Variants in STARD3NL observed in about 807,000 individuals in gnomAD.
STARD3NL encodes STARD3 N-terminal-like protein.
Under a neutral mutation model 30.9 loss-of-function variants are expected in STARD3NL, and 17 were observed. The observed-to-expected ratio is 0.55, with a 90% CI of 0.38 to 0.82. The LOEUF is 0.82. STARD3NL is among the 40% of genes least tolerant of loss of function. The probability of loss-of-function intolerance (pLI) is 0.00; values close to 1 mark genes in which losing one functional copy is unlikely to be tolerated. For synonymous variants in STARD3NL, 112 were observed against 100.5 expected, an observed-to-expected ratio of 1.11 and a Z score of -0.69; for missense variants, 234 against 277.6, an observed-to-expected ratio of 0.84 and a Z score of 1.12.
At chr7:38,229,530 A>G (rs1395285041) in intron 8 of STARD3NL, among the ~76,000 whole-genome samples, 4 of 152,244 alleles carry the variant, frequency 2.6e-5, no homozygotes, top group African/African-American at 9.6e-5. Flanking sequence ...TTGTAGTAGC[A>G]GCAAATCTGC....
rs765662823 is a variant in STARD3NL at position 38,214,448 on chromosome 7, A to G, written c.303+14A>G. The G allele has an allele frequency of 1.3e-6, 2 of 1,535,442 alleles. No homozygotes were observed. The highest frequency in any genetic ancestry group is 2.3e-5 in the East Asian group (1 of 44,030). Reference sequence around the variant, plus strand: ...TTTGATATATTTGTAAGTATTTTTTATGTTTCATTTCAGATGTGATAAAAC... The same window carrying G: ...TTTGATATATTTGTAAGTATTTTTTGTGTTTCATTTCAGATGTGATAAAAC... On this transcript the variant is annotated intron_variant, in intron 3 of 8. Transcript: ENST00000009041.
At chr7:38,184,132 T>C (rs1320510537) in intron 1 of STARD3NL, among the ~76,000 whole-genome samples, 1 of 152,164 alleles carries the variant, frequency 6.6e-6, no homozygotes, top group Non-Finnish European at 1.5e-5. Context: ...TAAAGGTATA[T>C]GGGATATATA....
intron 1 of STARD3NL, among the ~76,000 whole-genome samples, chr7:38,193,389 C>A (rs1160007445): frequency 6.6e-6 from 1 of 152,030 alleles, no homozygotes; most frequent in Non-Finnish European, 1.5e-5. Flanking sequence ...ATCTCTGCCT[C>A]CTGGGTTCAC....
At chr7:38,181,466 C>A (rs1039697183) in intron 1 of STARD3NL, among the ~76,000 whole-genome samples, 1 of 151,892 alleles carries the variant, frequency 6.6e-6, no homozygotes, top group Non-Finnish European at 1.5e-5. Context: ...TTTAAAAATG[C>A]CCATTATTTA....
chr7:38,220,375 A>T lies in STARD3NL; in HGVS notation c.649+715A>T, dbSNP rs575039009. 3.2e-4 allele frequency among the ~76,000 whole-genome samples: 48 copies of T among 152,356 alleles called. No individual in the cohort carries two copies. The South Asian group carries it at 9.5e-3, about 30-fold the overall frequency. On this transcript the variant is annotated intron_variant, in intron 7 of 8. Coordinates refer to ENST00000009041, the MANE Select transcript of STARD3NL (RefSeq NM_032016.4). ...CAAATGGCCAATAAGCACATAAAAGATGCTTAACATCACTAATCATTAGGA... is the reference window on the plus strand; with the variant it reads ...CAAATGGCCAATAAGCACATAAAAGTTGCTTAACATCACTAATCATTAGGA...
intron 7 of STARD3NL, among the ~76,000 whole-genome samples, chr7:38,221,034 A>G (rs1192497822): frequency 1.3e-5 from 2 of 152,248 alleles, no homozygotes; most frequent in Non-Finnish European, 2.9e-5. Context: ...GCTAAGTGAA[A>G]TAAGCCAGAC....
At chr7:38,219,520 A>G (rs1786324754) in intron 6 of STARD3NL, 45 bp from the exon 7 acceptor site, 1 of 1,446,772 alleles carries the variant, frequency 6.9e-7, no homozygotes, top group African/African-American at 1.4e-5. Context: ...AAAAGCTACC[A>G]GAAAGGTGAC....
At chr7:38,200,014 AGG>A (rs1455444980) in intron 1 of STARD3NL, among the ~76,000 whole-genome samples, 1 of 152,192 alleles carries the variant, frequency 6.6e-6, no homozygotes, top group African/African-American at 2.4e-5. Context: ...TCCAGCACCT[AGG>A]CTAGCCAGTC....
intron 6 of STARD3NL, among the ~76,000 whole-genome samples, chr7:38,219,246 T>C (rs1479835500): frequency 1.3e-5 from 2 of 152,012 alleles, no homozygotes; most frequent in Non-Finnish European, 2.9e-5. Context: ...AGGGTCTTGC[T>C]ATGTTGCCCA....
chr7:38,179,070 A>G (rs2094227719), intron 1 of STARD3NL: 1 of 152,148 alleles, frequency 6.6e-6, no homozygotes, highest in Admixed American at 6.5e-5. Flanking sequence ...TCACTGTGTC[A>G]TTTGTCTTCT....
intron 1 of STARD3NL, among the ~76,000 whole-genome samples, chr7:38,199,760 T>G (rs1785089594): frequency 6.6e-6 from 1 of 152,252 alleles, no homozygotes; most frequent in Non-Finnish European, 1.5e-5. Context: ...GATCCTTCTC[T>G]TTACTCATTA....
At chr7:38,225,327 A>G (rs1300901860) in intron 7 of STARD3NL, among the ~76,000 whole-genome samples, 2 of 152,154 alleles carry the variant, frequency 1.3e-5, no homozygotes. Context: ...TTTGAAGCAC[A>G]AGTTTTAAAT....
At chr7:38,214,797 T>G (rs1320592598) in intron 3 of STARD3NL, among the ~76,000 whole-genome samples, 3 of 152,176 alleles carry the variant, frequency 2.0e-5, no homozygotes, top group African/African-American at 7.2e-5. Flanking sequence ...TGACATCTTT[T>G]TTTTCTTGCC....
intron 1 of STARD3NL, among the ~76,000 whole-genome samples, chr7:38,189,026 G>A (rs1157695417): frequency 6.6e-6 from 1 of 152,152 alleles, no homozygotes; most frequent in Non-Finnish European, 1.5e-5. Context: ...TCTGTTATGT[G>A]CACACAATTA....
At chr7:38,200,748 A>T (rs1043842394) in intron 1 of STARD3NL, among the ~76,000 whole-genome samples, 4 of 152,042 alleles carry the variant, frequency 2.6e-5, no homozygotes, top group Admixed American at 6.6e-5. Flanking sequence ...GCCCTTACCG[A>T]TCCCCCAAAT....
intron 1 of STARD3NL, among the ~76,000 whole-genome samples, 154 bp downstream of exon 1, chr7:38,178,574 G>A (rs892588064): frequency 6.6e-6 from 1 of 152,252 alleles, no homozygotes; most frequent in African/African-American, 2.4e-5. Context: ...CTCCAGGGGA[G>A]GAGGAGGGGC....
intron 2 of STARD3NL, among the ~76,000 whole-genome samples, chr7:38,213,640 C>T (rs560695602): frequency 4.6e-5 from 7 of 152,018 alleles, no homozygotes; most frequent in Admixed American, 1.3e-4. Flanking sequence ...CATTAGCTGC[C>T]GACACATGTC....
At chr7:38,190,526 T>C (rs768749727) in intron 1 of STARD3NL, among the ~76,000 whole-genome samples, 2 of 152,262 alleles carry the variant, frequency 1.3e-5, no homozygotes, top group Non-Finnish European at 2.9e-5. Flanking sequence ...AACAGCCTTA[T>C]GCCCTTACGT....
Position 38,206,789 on chromosome 7 carries a change from G to A in STARD3NL, c.-58-658G>A, listed in dbSNP as rs1785510407. ...TTTGTGTGATTTTTGTTTTTCGTTT[G>A]AGGCAGTGTCTTGCTCTGTTACCCA... On this transcript the variant is annotated intron_variant, in intron 1 of 8. Transcript: ENST00000009041. 1.3e-5 allele frequency among the ~76,000 whole-genome samples: 2 copies of A among 152,138 alleles called. 1 individual carries two copies. The highest frequency in any genetic ancestry group is 1.3e-4 in the Admixed American group (2 of 15,266).
Sources: gnomAD v4.1 joint callset for allele counts (sites outside exome capture counted in the v4.1 genomes callset) on GRCh38, gnomAD v4.1.1 for gene constraint, MANE v1.5 for transcripts, NCBI Gene and HGNC (gene_info 2026-07-23, HGNC 2026-07-21) for gene names.